The following PTPRR variants were observed in gnomAD, a reference collection of about 807,000 sequenced individuals.
The protein encoded by PTPRR is receptor-type tyrosine-protein phosphatase R.
In PTPRR, 38 loss-of-function variants were observed where a neutral mutation model predicts 77.2. The observed-to-expected ratio is 0.49, with a 90% confidence interval of 0.38 to 0.65. The LOEUF is 0.65. Ranked by LOEUF, PTPRR falls within the 30% of genes least tolerant of loss-of-function variation. The probability of loss-of-function intolerance (pLI) is 0.00; values close to 1 mark genes in which losing one functional copy is unlikely to be tolerated. For synonymous variants in PTPRR, 299 were observed against 283.1 expected, an observed-to-expected ratio of 1.06 and a Z score of -0.57; for missense variants, 744 against 799.2, an observed-to-expected ratio of 0.93 and a Z score of 0.83.
At chr12:70,915,909 T>A (rs1018483648) in intron 1 of PTPRR, among the ~76,000 whole-genome samples, 3 of 152,218 alleles carry the variant, frequency 2.0e-5, no homozygotes, top group African/African-American at 7.2e-5. Context: ...ATTTATTTAA[T>A]CTTTAGAAAG....
chr12:70,825,217 G>A (rs2137044865), intron 2 of PTPRR, among the ~76,000 whole-genome samples: 1 of 152,290 alleles, frequency 6.6e-6, no homozygotes, highest in East Asian at 1.9e-4. Context: ...GGTGGAGGTT[G>A]CAGTGAGCCA....
At chr12:70,728,362 A>AC (rs1565669194) in intron 6 of PTPRR, among the ~76,000 whole-genome samples, 3 of 140,836 alleles carry the variant, frequency 2.1e-5, no homozygotes, top group Non-Finnish European at 3.1e-5. Flanking sequence ...TGAAAAAAAA[A>AC]CAAAAAATCC....
At chr12:70,905,531 A>T (rs973446002) in intron 1 of PTPRR, among the ~76,000 whole-genome samples, 8 of 151,978 alleles carry the variant, frequency 5.3e-5, no homozygotes, top group African/African-American at 1.9e-4. Context: ...GAAAATAACC[A>T]GTGAGATTTG....
chr12:70,842,319 C>T (rs1892411059), intron 2 of PTPRR, among the ~76,000 whole-genome samples: 1 of 152,184 alleles, frequency 6.6e-6, no homozygotes, highest in East Asian at 1.9e-4. Flanking sequence ...CTCTATGCTT[C>T]ATCTTGGGTT....
intron 2 of PTPRR, among the ~76,000 whole-genome samples, chr12:70,819,256 G>T (rs1445452230): frequency 1.3e-5 from 2 of 152,242 alleles, no homozygotes; most frequent in Non-Finnish European, 2.9e-5. Flanking sequence ...ACTGAGCTGA[G>T]ATTGCACCAC....
intron 3 of PTPRR, among the ~76,000 whole-genome samples, chr12:70,762,830 C>T (rs1294254550): frequency 1.3e-5 from 2 of 152,150 alleles, no homozygotes; most frequent in African/African-American, 4.8e-5. Flanking sequence ...TGCTAATCAA[C>T]ATGCTTTGCT....
chr12:70,777,910 A>G (rs1891124447), intron 2 of PTPRR, among the ~76,000 whole-genome samples: 1 of 152,234 alleles, frequency 6.6e-6, no homozygotes, highest in Non-Finnish European at 1.5e-5. Context: ...TGTTTATGCC[A>G]ATGAATATAT....
chr12:70,827,376 C>T (rs35021888), intron 2 of PTPRR, among the ~76,000 whole-genome samples: 2,222 of 152,172 alleles, frequency 0.015, 60 homozygotes, highest in African/African-American at 0.051. Flanking sequence ...AAATTTATTT[C>T]TCAGAGTTCT....
At chr12:70,775,570 C>T (rs951709893) in intron 2 of PTPRR, among the ~76,000 whole-genome samples, 1 of 152,194 alleles carries the variant, frequency 6.6e-6, no homozygotes, top group Non-Finnish European at 1.5e-5. Flanking sequence ...CCTGGACTTT[C>T]ATTTGGTCAT....
In PTPRR at chr12:70,884,871, C is replaced by CAAAAAAAAA. The variant is rs529547383; in HGVS notation, c.357+7799_357+7807dup. 1.5e-4 allele frequency among the ~76,000 whole-genome samples: 8 copies of CAAAAAAAAA among 53,936 alleles called. 2 individuals carry two copies. Among genetic ancestry groups the CAAAAAAAAA allele is most frequent in the African/African-American group, 7.5e-4 (8 of 10,738 alleles). The allele number at this position is 53,936 out of a possible 152,430, so 35.4% of individuals were successfully genotyped here. ...TGGGCAACAGAGCAAAACTCTGTCTCAAAAAAAAAAAAAAAAAAAAAAAAA... is the reference window on the plus strand; with the variant it reads ...TGGGCAACAGAGCAAAACTCTGTCTCAAAAAAAAAAAAAAAAAAAAAAAAAAAAAAAAAA... On this transcript the variant is annotated intron_variant, in intron 2 of 13. Transcript: ENST00000283228.
chr12:70,840,903 C>T (rs189320242), intron 2 of PTPRR, among the ~76,000 whole-genome samples: 5 of 151,620 alleles, frequency 3.3e-5, no homozygotes, highest in East Asian at 1.9e-4. Context: ...ATGAAGTCAC[C>T]GTGCCATTCA....
intron 1 of PTPRR, among the ~76,000 whole-genome samples, chr12:70,919,655 A>G (rs1408837582): frequency 7.1e-6 from 1 of 139,998 alleles, no homozygotes; most frequent in African/African-American, 2.5e-5. Context: ...CAGGGTTGTC[A>G]GCTTTGGAAC....
intron 4 of PTPRR, among the ~76,000 whole-genome samples, chr12:70,758,941 G>GTTT (rs1890625032): frequency 6.6e-6 from 1 of 151,794 alleles, no homozygotes; most frequent in Admixed American, 6.6e-5. Flanking sequence ...TCTTGTTGTT[G>GTTT]TTGTTGTTGT....
At chr12:70,803,338 A>G (rs1023882118) in intron 2 of PTPRR, among the ~76,000 whole-genome samples, 2 of 152,204 alleles carry the variant, frequency 1.3e-5, no homozygotes, top group East Asian at 3.9e-4. Flanking sequence ...AGATCACAGA[A>G]ATAAAATTGC....
chr12:70,794,583 A>AAC (rs931032598), intron 2 of PTPRR, among the ~76,000 whole-genome samples: 3 of 152,192 alleles, frequency 2.0e-5, no homozygotes, highest in Admixed American at 1.3e-4. Flanking sequence ...ATAACTAACG[A>AAC]ACACACACAA....
At chr12:70,696,585 G>A (rs1436692716) in intron 8 of PTPRR, among the ~76,000 whole-genome samples, 2 of 152,168 alleles carry the variant, frequency 1.3e-5, no homozygotes, top group Non-Finnish European at 2.9e-5. Flanking sequence ...GTCATGCACA[G>A]CAACATTTTT....
At chr12:70,664,301 T>G (rs1260498887) in intron 10 of PTPRR, 1 of 152,078 alleles carries the variant, frequency 6.6e-6, no homozygotes, top group Admixed American at 6.5e-5. Context: ...TGTCTAAAAT[T>G]TTCCCACTTT....
intron 2 of PTPRR, among the ~76,000 whole-genome samples, chr12:70,868,667 C>T (rs1160382142): frequency 1.3e-5 from 2 of 151,674 alleles, no homozygotes; most frequent in South Asian, 2.1e-4. Flanking sequence ...TACCATTTGA[C>T]CCAGCCATCC....
intron 2 of PTPRR, among the ~76,000 whole-genome samples, chr12:70,821,087 G>GA (rs1370753925): frequency 5.9e-5 from 9 of 151,654 alleles, no homozygotes; most frequent in Non-Finnish European, 1.0e-4. Context: ...GATTAATGAA[G>GA]AAAAAATACT....
Sources: gnomAD v4.1 joint callset for allele counts (sites outside exome capture counted in the v4.1 genomes callset) on GRCh38, gnomAD v4.1.1 for gene constraint, MANE v1.5 for transcripts, NCBI Gene and HGNC (gene_info 2026-07-23, HGNC 2026-07-21) for gene names.